Variants in ACER3 observed in about 807,000 individuals in gnomAD.
ACER3 encodes alkCDase 3.
In ACER3, 16 loss-of-function variants were observed where a neutral mutation model predicts 48.9. That is an observed-to-expected ratio of 0.33 (90% CI 0.22 to 0.50). The LOEUF is 0.50. Among genes scored for constraint, ACER3 ranks in the 20% least tolerant of loss-of-function variants. ACER3 has a pLI of 0.98. For synonymous variants in ACER3, 109 were observed against 107.8 expected (o/e 1.01, Z -0.07); for missense variants, 227 against 326.0 (o/e 0.70, Z 2.34).
At chr11:76,922,597 T>C (rs77130658) in intron 1 of ACER3, among the ~76,000 whole-genome samples, 1,841 of 152,276 alleles carry the variant, frequency 0.012, 24 homozygotes, top group Non-Finnish European at 0.021. Flanking sequence ...AATAAAATAC[T>C]CTGATATAAT....
At chr11:76,972,834 TGTTGCTGCTCC>T (rs1221541595) in intron 3 of ACER3, among the ~76,000 whole-genome samples, 3 of 152,198 alleles carry the variant, frequency 2.0e-5, no homozygotes, top group African/African-American at 7.2e-5. Flanking sequence ...ACCCCTGTAT[TGTTGCTGCTCC>T]CTGCTGCTGT....
chr11:76,905,484 T>C (rs4471450), intron 1 of ACER3, among the ~76,000 whole-genome samples: 106,619 of 152,060 alleles, frequency 0.7, 37,684 homozygotes, highest in Non-Finnish European at 0.74. Context: ...CTTAGACCTT[T>C]TGCCTTCTGT....
chr11:76,889,138 A>G (rs958465674), intron 1 of ACER3, among the ~76,000 whole-genome samples: 1 of 152,106 alleles, frequency 6.6e-6, no homozygotes, highest in Non-Finnish European at 1.5e-5. Flanking sequence ...GTGTGGTCCA[A>G]GGCCTCATCT....
At chr11:76,971,703 T>C (rs917731144) in intron 3 of ACER3, among the ~76,000 whole-genome samples, 2 of 152,124 alleles carry the variant, frequency 1.3e-5, no homozygotes, top group Non-Finnish European at 2.9e-5. Context: ...GCTTGGAGCT[T>C]AGCAAAACAG....
chr11:76,904,663 A>G (rs919614233), intron 1 of ACER3, among the ~76,000 whole-genome samples: 4 of 152,146 alleles, frequency 2.6e-5, no homozygotes, highest in Non-Finnish European at 5.9e-5. Context: ...ATAAAATGAA[A>G]TGGGTAAAAT....
At chr11:76,884,657 A>T (rs1945627899) in intron 1 of ACER3, among the ~76,000 whole-genome samples, 1 of 152,116 alleles carries the variant, frequency 6.6e-6, no homozygotes, top group East Asian at 1.9e-4. Flanking sequence ...CTTCATTATT[A>T]TTCTGTTAGT....
chr11:76,992,577 G>C (rs879558042), intron 6 of ACER3, among the ~76,000 whole-genome samples: 3 of 152,186 alleles, frequency 2.0e-5, no homozygotes, highest in Non-Finnish European at 4.4e-5. Flanking sequence ...CCTAGGCCTA[G>C]AGATTAAAAA....
At chr11:76,863,781 GTAT>G (rs999469672) in intron 1 of ACER3, among the ~76,000 whole-genome samples, 1 of 152,200 alleles carries the variant, frequency 6.6e-6, no homozygotes, top group Non-Finnish European at 1.5e-5. Context: ...CAAAAAGAAG[GTAT>G]TATTATCCCC....
At chr11:76,871,532 GAGTTA>G (rs1290075602) in intron 1 of ACER3, among the ~76,000 whole-genome samples, 2 of 152,214 alleles carry the variant, frequency 1.3e-5, no homozygotes, top group Admixed American at 1.3e-4. Context: ...TTGGTTGAAA[GAGTTA>G]AGTTATTATT....
chr11:76,976,145 C>G lies in ACER3; in HGVS notation c.268-144C>G, dbSNP rs957352522. On this transcript the variant is annotated intron_variant, in intron 3 of 10. Coordinates refer to ENST00000532485, the MANE Select transcript of ACER3 (RefSeq NM_018367.7). The stretch of plus-strand genomic sequence containing the variant: ...CAAGCGATCTTCCAACCTTGGCCTC[C>G]CAGAGTGCTGGGATTACAGGTGTGA... 6 of 644,734 alleles carry G rather than the reference C, an allele frequency of 9.3e-6. No individual in the cohort carries two copies. In the Admixed American group the frequency reaches 1.3e-4, roughly 14 times the overall value. 39.9% of individuals were successfully genotyped at this position (644,734 alleles called of 1,614,324 possible).
chr11:76,882,655 A>G (rs999525391), intron 1 of ACER3, among the ~76,000 whole-genome samples: 44 of 152,278 alleles, frequency 2.9e-4, no homozygotes, highest in Admixed American at 1.6e-3. Context: ...TAGAATAAGA[A>G]CCATTTTCCT....
intron 1 of ACER3, among the ~76,000 whole-genome samples, chr11:76,922,812 C>T (rs1346369395): frequency 6.6e-6 from 1 of 151,950 alleles, no homozygotes; most frequent in African/African-American, 2.4e-5. Flanking sequence ...ATAGGGACAA[C>T]AATACTTCAC....
intron 2 of ACER3, among the ~76,000 whole-genome samples, chr11:76,954,420 T>A (rs1947775618): frequency 6.6e-6 from 1 of 152,204 alleles, no homozygotes; most frequent in Admixed American, 6.5e-5. Context: ...TTTAAAAAAA[T>A]TCTTTCATCT....
intron 1 of ACER3, among the ~76,000 whole-genome samples, chr11:76,906,876 A>G (rs1389464928): frequency 6.6e-6 from 1 of 152,158 alleles, no homozygotes; most frequent in Non-Finnish European, 1.5e-5. Flanking sequence ...TTTATCTACA[A>G]TAGATTTTTG....
intron 1 of ACER3, among the ~76,000 whole-genome samples, chr11:76,921,979 C>T (rs992939218): frequency 1.3e-5 from 2 of 151,950 alleles, no homozygotes; most frequent in African/African-American, 4.8e-5. Context: ...GTTTAGGGTG[C>T]CACAAATAGA....
At chr11:76,902,004 C>G (rs754715314) in intron 1 of ACER3, among the ~76,000 whole-genome samples, 2 of 151,998 alleles carry the variant, frequency 1.3e-5, no homozygotes, top group Non-Finnish European at 2.9e-5. Flanking sequence ...GCCTTAAATC[C>G]TGGTGCTTGC....
At chr11:76,965,281 A>G (rs1037485354) in intron 3 of ACER3, among the ~76,000 whole-genome samples, 1 of 151,338 alleles carries the variant, frequency 6.6e-6, no homozygotes, top group East Asian at 1.9e-4. Flanking sequence ...AAAGAAACGA[A>G]CAAAGCCTCC....
intron 3 of ACER3, 67 bp downstream of exon 3, chr11:76,959,098 AG>A (rs1947917876): frequency 6.2e-7 from 1 of 1,609,832 alleles, no homozygotes; most frequent in Non-Finnish European, 8.5e-7. Flanking sequence ...ATTTGAGAAA[AG>A]AGCACATAAC....
chr11:76,916,167 A>G (rs542803176), intron 1 of ACER3, among the ~76,000 whole-genome samples: 3 of 152,216 alleles, frequency 2.0e-5, no homozygotes, highest in Non-Finnish European at 4.4e-5. Context: ...AATTATACTG[A>G]AATTAGTTTG....
Sources: allele counts gnomAD v4.1 joint callset (sites outside exome capture counted in the v4.1 genomes callset), GRCh38; gene constraint gnomAD v4.1.1; transcripts MANE v1.5; gene names NCBI Gene and HGNC (gene_info 2026-07-23, HGNC 2026-07-21).